AGBL1: variants seen among roughly 807,000 people sequenced by gnomAD.
AGBL1 encodes cytosolic carboxypeptidase 4.
Under a neutral mutation model 118.9 loss-of-function variants are expected in AGBL1, and 130 were observed. That is an observed-to-expected ratio of 1.09 (90% CI 0.95 to 1.26). The LOEUF is 1.26. Ranked by LOEUF, AGBL1 falls within the 50% of genes most tolerant of loss-of-function variation. The probability of loss-of-function intolerance (pLI) is 0.00; values close to 1 mark genes in which losing one functional copy is unlikely to be tolerated. For synonymous variants in AGBL1, 555 were observed against 478.9 expected (o/e 1.16, Z -2.08); for missense variants, 1,584 against 1,298.1 (o/e 1.22, Z -3.38).
chr15:86,181,747 C>CT (rs1191367619), intron 5 of AGBL1, among the ~76,000 whole-genome samples: 2 of 151,880 alleles, frequency 1.3e-5, no homozygotes, highest in African/African-American at 4.8e-5. Flanking sequence ...ATAGTAAAAT[C>CT]TTTAAAGAAG....
chr15:86,448,897 G>A (rs527877333), intron 18 of AGBL1, among the ~76,000 whole-genome samples: 1 of 152,292 alleles, frequency 6.6e-6, no homozygotes, highest in East Asian at 1.9e-4. Context: ...AATTCTTTCA[G>A]TTTCAAATAT....
Position 86,682,694 on chromosome 15 carries a change from TAGC to T in AGBL1, c.3158+8261_3158+8263del, listed in dbSNP as rs959948567. ...CAAAATTTTAAACAACTCAAATTCTTAGCAGTAAAAAAAGAACATTATTGATTA... is the reference window on the plus strand; with the variant it reads ...CAAAATTTTAAACAACTCAAATTCTTAGTAAAAAAAGAACATTATTGATTA... On this transcript the variant is annotated intron_variant, in intron 22 of 22. Transcript: ENST00000614907. Among the ~76,000 whole-genome samples, 18 of 152,214 alleles carry T rather than the reference TAGC, an allele frequency of 1.2e-4. 1 individual carries two copies. The highest frequency in any genetic ancestry group is 2.6e-4 in the Admixed American group (4 of 15,282).
rs553935169 is a variant in AGBL1, at chr15:86,608,400, A to G, written c.2994+53863A>G. The stretch of plus-strand genomic sequence containing the variant: ...AATCTTAGATTTTTAAAGTAGGGGA[A>G]TGCAAGAGCAAGCAAGAATATTTGC... On this transcript the variant is annotated intron_variant, in intron 21 of 22. Coordinates refer to ENST00000614907, the MANE Select transcript of AGBL1 (RefSeq NM_001386094.1). Among the ~76,000 whole-genome samples, 4 of 152,364 alleles carry G rather than the reference A, an allele frequency of 2.6e-5. No individual in the cohort carries two copies. In the East Asian group the frequency reaches 7.7e-4, roughly 29 times the overall value.
intron 5 of AGBL1, among the ~76,000 whole-genome samples, chr15:86,206,908 T>G (rs1047059308): frequency 2.0e-5 from 3 of 152,248 alleles, no homozygotes; most frequent in Non-Finnish European, 4.4e-5. Flanking sequence ...TGATTGGTAT[T>G]GCCTAAGTTT....
chr15:86,172,456 C>T (rs1431957115), intron 5 of AGBL1, among the ~76,000 whole-genome samples: 2 of 152,134 alleles, frequency 1.3e-5, no homozygotes, highest in African/African-American at 4.8e-5. Flanking sequence ...GGAATCTATT[C>T]CTTCTATCTA....
intron 6 of AGBL1, among the ~76,000 whole-genome samples, chr15:86,229,235 G>A (rs1427782109): frequency 6.6e-6 from 1 of 152,036 alleles, no homozygotes; most frequent in Non-Finnish European, 1.5e-5. Context: ...AATACCTGAG[G>A]CTGGGTAATT....
chr15:86,253,698 TTA>T (rs2078852680), intron 7 of AGBL1, among the ~76,000 whole-genome samples: 1 of 152,226 alleles, frequency 6.6e-6, no homozygotes, highest in African/African-American at 2.4e-5. Flanking sequence ...CCGATACAGT[TTA>T]TGTGTTTCAT....
chr15:86,681,400 G>A (rs72763948), intron 22 of AGBL1, among the ~76,000 whole-genome samples: 8,903 of 151,698 alleles, frequency 0.059, 351 homozygotes, highest in Middle Eastern at 0.12. Context: ...TTCATTTATC[G>A]TCCCATAGAT....
At chr15:86,897,531 C>T (rs2080145360) in intron 22 of AGBL1, among the ~76,000 whole-genome samples, 1 of 151,942 alleles carries the variant, frequency 6.6e-6, no homozygotes, top group Admixed American at 6.6e-5. Context: ...GTAACTTTCT[C>T]CCCTACATTG....
At chr15:86,466,005 G>C (rs990016937) in intron 18 of AGBL1, among the ~76,000 whole-genome samples, 2 of 152,078 alleles carry the variant, frequency 1.3e-5, no homozygotes, top group Non-Finnish European at 2.9e-5. Flanking sequence ...GGAACCTGCC[G>C]ACATGTGATG....
At chr15:86,197,178 G>A (rs996195010) in intron 5 of AGBL1, among the ~76,000 whole-genome samples, 5 of 152,212 alleles carry the variant, frequency 3.3e-5, no homozygotes, top group African/African-American at 1.2e-4. Context: ...TGGGTAATGG[G>A]TGGAGGCTGG....
chr15:86,139,194 T>C (rs1361042442), intron 1 of AGBL1, among the ~76,000 whole-genome samples: 6 of 152,174 alleles, frequency 3.9e-5, no homozygotes, highest in African/African-American at 1.4e-4. Context: ...AAGCTCCCAG[T>C]GGAGAAGATG....
At chr15:86,849,761 T>C (rs1164511918) in intron 22 of AGBL1, among the ~76,000 whole-genome samples, 1 of 152,160 alleles carries the variant, frequency 6.6e-6, no homozygotes. Context: ...CCCATTAGCT[T>C]CTGTGCCCAG....
chr15:86,566,231 G>A (rs2083911757), intron 21 of AGBL1, among the ~76,000 whole-genome samples: 1 of 152,204 alleles, frequency 6.6e-6, no homozygotes, highest in Admixed American at 6.5e-5. Flanking sequence ...CACACTGGGA[G>A]CTGTAGACTG....
intron 21 of AGBL1, among the ~76,000 whole-genome samples, chr15:86,616,503 G>A (rs1164127962): frequency 6.6e-6 from 1 of 152,060 alleles, no homozygotes; most frequent in Non-Finnish European, 1.5e-5. Flanking sequence ...GCAAGTAGAG[G>A]ACACTGTCTT....
At chr15:86,887,850 A>G (rs755705748) in intron 22 of AGBL1, among the ~76,000 whole-genome samples, 10 of 152,136 alleles carry the variant, frequency 6.6e-5, no homozygotes, top group Non-Finnish European at 1.3e-4. Context: ...AAGAAAACAT[A>G]TACCCCCTCT....
At chr15:86,572,519 A>T (rs1242180989) in intron 21 of AGBL1, among the ~76,000 whole-genome samples, 1 of 152,172 alleles carries the variant, frequency 6.6e-6, no homozygotes, top group Non-Finnish European at 1.5e-5. Context: ...TCCCAGAGGC[A>T]GGCTCTGGAG....
At chr15:86,964,051 G>GTT (rs1312018482) in intron 23 of AGBL1, among the ~76,000 whole-genome samples, 21 of 151,514 alleles carry the variant, frequency 1.4e-4, no homozygotes, top group African/African-American at 4.9e-4. Context: ...GTGTGTGTGT[G>GTT]TGTGTTTGTG....
intron 22 of AGBL1, among the ~76,000 whole-genome samples, chr15:86,773,532 G>A (rs1417855360): frequency 2.4e-5 from 3 of 127,358 alleles, no homozygotes; most frequent in Non-Finnish European, 4.7e-5. Flanking sequence ...GCCCTGGTGT[G>A]TGATGTTCCC....
Sources: gnomAD v4.1 joint callset for allele counts (sites outside exome capture counted in the v4.1 genomes callset) on GRCh38, gnomAD v4.1.1 for gene constraint, MANE v1.5 for transcripts, NCBI Gene and HGNC (gene_info 2026-07-23, HGNC 2026-07-21) for gene names.